The following BCKDHB variants were observed in gnomAD, a reference collection of about 807,000 sequenced individuals.
BCKDHB encodes 2-oxoisovalerate dehydrogenase subunit beta, mitochondrial.
In BCKDHB, 41 loss-of-function variants were observed where a neutral mutation model predicts 48.5. The observed-to-expected ratio is 0.85, with a 90% CI of 0.66 to 1.10. The LOEUF is 1.10. Among genes scored for constraint, BCKDHB ranks in the 50% least tolerant of loss-of-function variants. The pLI is 0.00. For synonymous variants in BCKDHB, 201 were observed against 174.8 expected, an observed-to-expected ratio of 1.15 and a Z score of -1.18; for missense variants, 496 against 494.2, an observed-to-expected ratio of 1.00 and a Z score of -0.03.
the BCKDHB span, among the ~76,000 whole-genome samples, chr6:80,414,145 GTTAT>G: frequency 1.3e-5 from 2 of 151,752 alleles, no homozygotes; most frequent in Non-Finnish European, 2.9e-5. Flanking sequence ...TTTTAATGGG[GTTAT>G]TTGTTTTTTC....
chr6:80,399,249 C>A, the BCKDHB span, among the ~76,000 whole-genome samples: 1 of 151,182 alleles, frequency 6.6e-6, no homozygotes, highest in Admixed American at 6.6e-5. Flanking sequence ...GAAGTCCTGA[C>A]CAGAGCAATC....
At chr6:80,122,954 T>A (rs909270094) in intron 1 of BCKDHB, among the ~76,000 whole-genome samples, 16 of 151,906 alleles carry the variant, frequency 1.1e-4, no homozygotes, top group African/African-American at 3.6e-4. Context: ...CGGATGTTTA[T>A]AGGCCTTCCC....
At chr6:80,242,445 C>T (rs908740992) in intron 8 of BCKDHB, among the ~76,000 whole-genome samples, 1 of 152,080 alleles carries the variant, frequency 6.6e-6, no homozygotes, top group Non-Finnish European at 1.5e-5. Context: ...CGAACTTGCT[C>T]TTCTTCAGTT....
intron 6 of BCKDHB, among the ~76,000 whole-genome samples, chr6:80,176,143 A>T (rs1036185242): frequency 6.6e-6 from 1 of 152,190 alleles, no homozygotes; most frequent in Admixed American, 6.5e-5. Context: ...TTTAGATTAT[A>T]TGAAATATTT....
chr6:80,293,608 T>G (rs1046423381), intron 9 of BCKDHB, among the ~76,000 whole-genome samples: 2 of 152,214 alleles, frequency 1.3e-5, no homozygotes, highest in Admixed American at 6.5e-5. Flanking sequence ...GTGGTTAACA[T>G]TGGGCTCCTT....
chr6:80,142,248 A>C (rs1771257039), intron 3 of BCKDHB, among the ~76,000 whole-genome samples: 1 of 152,136 alleles, frequency 6.6e-6, no homozygotes, highest in Admixed American at 6.6e-5. Flanking sequence ...AAAATCAAAT[A>C]AAATACAAAT....
At chr6:80,343,443 T>C (rs1378458423) in intron 9 of BCKDHB, 2 of 580,166 alleles carry the variant, frequency 3.4e-6, no homozygotes, top group Non-Finnish European at 3.0e-6. Flanking sequence ...TAGATATATA[T>C]ACAGGTATAA....
At chr6:80,168,402 A>C (rs1004929990) in intron 4 of BCKDHB, among the ~76,000 whole-genome samples, 1 of 83,106 alleles carries the variant, frequency 1.2e-5, no homozygotes, top group African/African-American at 4.8e-5. Context: ...AAAAGAAAGA[A>C]GGGAAGGGAG....
intron 8 of BCKDHB, among the ~76,000 whole-genome samples, chr6:80,220,845 C>T (rs1775415093): frequency 1.3e-5 from 2 of 151,262 alleles, no homozygotes; most frequent in South Asian, 4.2e-4. Context: ...AGCAATTCTC[C>T]TGCCTCAGCC....
chr6:80,418,147 A>G, the BCKDHB span, among the ~76,000 whole-genome samples: 1 of 152,096 alleles, frequency 6.6e-6, no homozygotes, highest in Non-Finnish European at 1.5e-5. Context: ...TGATTGCATT[A>G]TGAAATTCTT....
At chr6:80,153,052 G>A (rs1454547247) in intron 3 of BCKDHB, among the ~76,000 whole-genome samples, 4 of 152,194 alleles carry the variant, frequency 2.6e-5, no homozygotes, top group African/African-American at 9.6e-5. Context: ...GTAAGTTGCT[G>A]TAGATACACA....
At chr6:80,196,332 C>G (rs1774126776) in intron 6 of BCKDHB, among the ~76,000 whole-genome samples, 1 of 152,146 alleles carries the variant, frequency 6.6e-6, no homozygotes, top group Admixed American at 6.6e-5. Flanking sequence ...AATATACTCT[C>G]TATTTTTCTT....
chr6:80,400,626 T>A, the BCKDHB span, among the ~76,000 whole-genome samples: 23 of 152,082 alleles, frequency 1.5e-4, no homozygotes, highest in Non-Finnish European at 1.3e-4. Flanking sequence ...GGTGGGAGTT[T>A]AAACTAGTTC....
At chr6:80,135,966 G>A (rs78322069) in intron 3 of BCKDHB, 3 of 152,182 alleles carry the variant, frequency 2.0e-5, no homozygotes, top group East Asian at 3.9e-4. Flanking sequence ...ATGTCCTCAA[G>A]GTTTATTGAT....
intron 9 of BCKDHB, among the ~76,000 whole-genome samples, chr6:80,295,817 C>T (rs140202089): frequency 2.3e-3 from 344 of 149,688 alleles, no homozygotes; most frequent in African/African-American, 7.0e-3. Context: ...GTGAATGGTC[C>T]AGGGAAGACC....
chr6:80,110,760 G>A (rs1769370198), intron 1 of BCKDHB, among the ~76,000 whole-genome samples: 1 of 152,248 alleles, frequency 6.6e-6, no homozygotes. Flanking sequence ...GAGCCCAGGG[G>A]TAAGTAATAC....
At chr6:80,446,707 G>A in the BCKDHB span, among the ~76,000 whole-genome samples, 18 of 151,464 alleles carry the variant, frequency 1.2e-4, no homozygotes, top group Non-Finnish European at 1.5e-5. Flanking sequence ...AACCTGAGAG[G>A]GGCTTCTGGA....
At chr6:80,327,373 T>A (rs1442865995) in intron 9 of BCKDHB, among the ~76,000 whole-genome samples, 1 of 152,254 alleles carries the variant, frequency 6.6e-6, no homozygotes, top group African/African-American at 2.4e-5. Flanking sequence ...CGGTTTCTAC[T>A]GAATACATTT....
At chr6:80,172,933 G>A (rs750491017) in intron 6 of BCKDHB, among the ~76,000 whole-genome samples, 2 of 152,084 alleles carry the variant, frequency 1.3e-5, no homozygotes, top group African/African-American at 2.4e-5. Context: ...AAATTTTGAA[G>A]TGAATAGGAA....
Sources: allele counts gnomAD v4.1 joint callset (sites outside exome capture counted in the v4.1 genomes callset), GRCh38; gene constraint gnomAD v4.1.1; transcripts MANE v1.5; gene names NCBI Gene and HGNC (gene_info 2026-07-23, HGNC 2026-07-21).